IQCK: variants seen among roughly 807,000 people sequenced by gnomAD.
IQCK encodes the protein IQ domain-containing protein K.
Under a neutral mutation model 28.1 loss-of-function variants are expected in IQCK, and 29 were observed. The observed-to-expected ratio is 1.03, with a 90% CI of 0.77 to 1.41. The LOEUF is 1.41. Ranked by LOEUF, IQCK falls within the 40% of genes most tolerant of loss-of-function variation. The pLI, the probability that IQCK is intolerant of heterozygous loss-of-function variation, is 0.00. For missense variants in IQCK, 359 were observed against 314.7 expected (o/e 1.14, Z -1.07); for synonymous variants, 113 against 115.1 (o/e 0.98, Z 0.12).
chr16:19,827,259 C>T (rs773464897), downstream of IQCK: 1 of 670,316 alleles, frequency 1.5e-6, no homozygotes, highest in Non-Finnish European at 2.7e-6. Flanking sequence ...TCAGCTTGTG[C>T]ATGGGGGAAG....
At chr16:19,806,983 A>G (rs941491452) in intron 7 of IQCK, among the ~76,000 whole-genome samples, 1 of 152,182 alleles carries the variant, frequency 6.6e-6, no homozygotes, top group Non-Finnish European at 1.5e-5. Context: ...CCCACATTGT[A>G]TCAGGGTTAA....
intron 4 of IQCK, among the ~76,000 whole-genome samples, chr16:19,746,628 T>C (rs2054916827): frequency 6.6e-6 from 1 of 152,262 alleles, no homozygotes; most frequent in South Asian, 2.1e-4. Context: ...CATTGATCAC[T>C]TCATTTCCCA....
chr16:19,827,248 C>T, downstream of IQCK: 1 of 718,020 alleles, frequency 1.4e-6, no homozygotes, highest in East Asian at 2.7e-5. Flanking sequence ...CTGCATGGAA[C>T]TCAGCTTGTG....
intron 9 of IQCK, among the ~76,000 whole-genome samples, chr16:19,845,190 G>A (rs1428635171): frequency 6.6e-6 from 1 of 152,192 alleles, no homozygotes; most frequent in Admixed American, 6.5e-5. Context: ...AGTGAATCTT[G>A]TCTCGCAATC....
intron 7 of IQCK, among the ~76,000 whole-genome samples, chr16:19,812,383 A>G (rs1295659526): frequency 6.6e-6 from 1 of 152,246 alleles, no homozygotes; most frequent in East Asian, 1.9e-4. Context: ...TGACCACTCA[A>G]GAGCGGGTGT....
At chr16:19,731,180 A>T (rs1977824464) in intron 2 of IQCK, among the ~76,000 whole-genome samples, 1 of 152,196 alleles carries the variant, frequency 6.6e-6, no homozygotes, top group Non-Finnish European at 1.5e-5. Context: ...GTTTCTCTGC[A>T]TGACAGGGTA....
intron 7 of IQCK, among the ~76,000 whole-genome samples, chr16:19,815,178 C>A (rs768262247): frequency 6.6e-6 from 1 of 152,114 alleles, no homozygotes; most frequent in Non-Finnish European, 1.5e-5. Flanking sequence ...AGCCACCCAA[C>A]TGAATTTACC....
intron 7 of IQCK, among the ~76,000 whole-genome samples, chr16:19,807,951 G>A (rs899531936): frequency 3.3e-5 from 5 of 152,060 alleles, no homozygotes; most frequent in South Asian, 2.1e-4. Flanking sequence ...CCTTAAATGA[G>A]TATTTTTTTT....
At chr16:19,857,542 G>C (rs2056577315) in exon 10 of IQCK, 1 of 392,524 alleles carries the variant, frequency 2.5e-6, no homozygotes, top group African/African-American at 2.2e-5. Flanking sequence ...TATCAAAAGT[G>C]AGCCTTAGCT....
intron 9 of IQCK, among the ~76,000 whole-genome samples, chr16:19,839,539 G>C (rs1053878449): frequency 3.3e-5 from 5 of 152,136 alleles, no homozygotes; most frequent in Non-Finnish European, 5.9e-5. Flanking sequence ...TGACAGCAGG[G>C]ACCTTTCTTT....
intron 4 of IQCK, among the ~76,000 whole-genome samples, chr16:19,752,968 G>A (rs2055006556): frequency 6.6e-6 from 1 of 152,066 alleles, no homozygotes; most frequent in Non-Finnish European, 1.5e-5. Context: ...TTCTTCTCTT[G>A]ACTGCTTCGT....
At chr16:19,771,977 G>A (rs1285706747) in intron 6 of IQCK, among the ~76,000 whole-genome samples, 1 of 152,132 alleles carries the variant, frequency 6.6e-6, no homozygotes, top group African/African-American at 2.4e-5. Context: ...AATTTGTGGT[G>A]CATATAAACA....
chr16:19,733,530 C>T (rs376244478), intron 2 of IQCK, among the ~76,000 whole-genome samples, 168 bp from the exon 3 acceptor site: 7 of 152,240 alleles, frequency 4.6e-5, no homozygotes, highest in African/African-American at 1.4e-4. Context: ...TCTGCCTTGT[C>T]GTTTATAGGT....
chr16:19,766,191 G>A (rs1205148093), intron 6 of IQCK: 1 of 152,202 alleles, frequency 6.6e-6, no homozygotes, highest in Non-Finnish European at 1.5e-5. Flanking sequence ...AATGTCTATC[G>A]AACACCTACC....
At chr16:19,854,318 C>A (rs1234181695) in intron 9 of IQCK, among the ~76,000 whole-genome samples, 2 of 152,214 alleles carry the variant, frequency 1.3e-5, no homozygotes, top group African/African-American at 4.8e-5. Flanking sequence ...GCTCCACCCC[C>A]AGTGTCTGGT....
chr16:19,797,613 CAA>C (rs61289661), intron 7 of IQCK, among the ~76,000 whole-genome samples: 888 of 45,666 alleles, frequency 0.019, 74 homozygotes, highest in African/African-American at 0.068. Context: ...TGAGGCCTTG[CAA>C]AAAAAAAAAA....
chr16:19,733,894 A>G (rs1003803636), intron 3 of IQCK, 67 bp downstream of exon 3: 2 of 1,559,800 alleles, frequency 1.3e-6, no homozygotes, highest in Non-Finnish European at 8.8e-7. Flanking sequence ...CAGGGTGGGT[A>G]TGGAGGCGGA....
At chr16:19,739,015 G>A (rs1406870513) in intron 4 of IQCK, among the ~76,000 whole-genome samples, 1 of 152,166 alleles carries the variant, frequency 6.6e-6, no homozygotes, top group Non-Finnish European at 1.5e-5. Context: ...TCCCTCTGCA[G>A]ACCCCTTTTG....
chr16:19,756,842 A>G (rs1229589338), intron 4 of IQCK, among the ~76,000 whole-genome samples: 2 of 149,382 alleles, frequency 1.3e-5, no homozygotes, highest in Admixed American at 1.3e-4. Context: ...GCTTGCAGTG[A>G]GCTGAGATCG....
Sources: allele counts gnomAD v4.1 joint callset (sites outside exome capture counted in the v4.1 genomes callset), GRCh38; gene constraint gnomAD v4.1.1; transcripts MANE v1.5; gene names NCBI Gene and HGNC (gene_info 2026-07-23, HGNC 2026-07-21).